The following PCDHGB5 variants were observed in gnomAD, a reference collection of about 807,000 sequenced individuals.
PCDHGB5 encodes the protein protocadherin gamma subfamily B, 5.
A neutral mutation model predicts 62.9 loss-of-function variants in PCDHGB5; 48 were observed. That is an observed-to-expected ratio of 0.76 (90% CI 0.61 to 0.97). The LOEUF (loss-of-function observed/expected upper bound fraction) is 0.97. Among genes scored for constraint, PCDHGB5 ranks in the 50% least tolerant of loss-of-function variants. The probability of loss-of-function intolerance (pLI) is 0.00; values close to 1 mark genes in which losing one functional copy is unlikely to be tolerated. For missense variants in PCDHGB5, 1,118 were observed against 1,198.6 expected, an observed-to-expected ratio of 0.93 and a Z score of 0.99; for synonymous variants, 474 against 511.2, an observed-to-expected ratio of 0.93 and a Z score of 0.98.
chr5:141,492,320 G>A (rs1001784912), intron 1 of PCDHGB5, among the ~76,000 whole-genome samples: 1 of 152,206 alleles, frequency 6.6e-6, no homozygotes. Flanking sequence ...CTCCTCGCAC[G>A]TGGGCTTACG....
chr5:141,491,616 C>T lies in PCDHGB5; in HGVS notation c.2398-3191C>T. 1 of 1,613,944 alleles carries T rather than the reference C, an allele frequency of 6.2e-7. No homozygotes were observed. Among genetic ancestry groups the T allele is most frequent in the South Asian group, 1.1e-5 (1 of 91,082 alleles). On this transcript the variant is annotated intron_variant, in intron 1 of 3. Coordinates refer to ENST00000617380, the MANE Select transcript of PCDHGB5 (RefSeq NM_018925.3). The surrounding 1 kb of genome is among the most constrained non-coding windows in gnomAD (Gnocchi z 6.9). ...GCAGTGACTTCACTTTTCTAAGACC[C>T]CTCAGCGTTCAGCAGCCCACAGCTC...
At chr5:141,500,012 A>G (rs2099795840) in intron 2 of PCDHGB5, among the ~76,000 whole-genome samples, 1 of 151,622 alleles carries the variant, frequency 6.6e-6, no homozygotes, top group Non-Finnish European at 1.5e-5. Flanking sequence ...TAAGGTCCAC[A>G]TTTTATATTT....
chr5:141,415,605 G>GGT, intron 1 of PCDHGB5: 1 of 1,613,122 alleles, frequency 6.2e-7, no homozygotes. Context: ...ATACCCCATT[G>GGT]GTTCCAGTGA....
At position 141,398,708 on chromosome 5, in the gene PCDHGB5, T is replaced by A; in HGVS notation, c.581T>A (p.Leu194Gln). The change falls in exon 1 of 4, where the codon CTG becomes CAG. Residue 194 changes from leucine to glutamine, a missense_variant. Around this residue, in one of 2 missense-constraint regions of PCDHGB5, gnomAD observed 1,034 missense variants for 1,029.1 expected, o/e 1.00. Transcript: ENST00000617380. ...CAGGATGGTAGTAAATACCCGGAAC[T>A]GGCACTGGAGAAAACCTTAGACCGG... ...EKQDGSKYPE[L>Q]ALEKTLDREQ... The A allele has an allele frequency of 1.2e-6, 2 of 1,613,886 alleles. No individual in the cohort carries two copies. The highest frequency in any genetic ancestry group is 1.7e-6 in the Non-Finnish European group (2 of 1,179,910).
chr5:141,398,937 C>G lies in PCDHGB5; in HGVS notation c.810C>G (p.Asp270Glu). The change falls in exon 1 of 4, where the codon GAC becomes GAG. Residue 270 changes from aspartate to glutamate, a missense_variant. Around this residue, in one of 2 missense-constraint regions of PCDHGB5, gnomAD observed 1,034 missense variants for 1,029.1 expected, o/e 1.00. Coordinates refer to ENST00000617380, the MANE Select transcript of PCDHGB5 (RefSeq NM_018925.3). The part of the protein sequence containing the change: ...TVLQVSATDQ[D>E]EGINSEITYS... The stretch of plus-strand genomic sequence containing the variant: ...TGCAAGTGTCAGCCACTGACCAAGA[C>G]GAGGGCATCAACTCAGAAATTACTT... 1 of 1,613,902 alleles carries G rather than the reference C, an allele frequency of 6.2e-7. No homozygotes were observed. The highest frequency in any genetic ancestry group is 8.5e-7 in the Non-Finnish European group (1 of 1,179,882).
chr5:141,438,627 T>TATAC (rs2098031123), intron 1 of PCDHGB5, among the ~76,000 whole-genome samples: 4 of 48,012 alleles, frequency 8.3e-5, no homozygotes, highest in Admixed American at 6.2e-4. Flanking sequence ...TATATATATA[T>TATAC]ATATATATAC....
At chr5:141,415,478 GA>G (rs1209443921) in intron 1 of PCDHGB5, 2 of 1,613,964 alleles carry the variant, frequency 1.2e-6, no homozygotes, top group Non-Finnish European at 1.7e-6. Context: ...GCGGACTCGC[GA>G]AAGAGTCACC....
chr5:141,420,382 C>A, intron 1 of PCDHGB5: 1 of 1,300,530 alleles, frequency 7.7e-7, no homozygotes. Flanking sequence ...ATAGAGTTCG[C>A]AAAATATAGG....
chr5:141,417,732 C>T (rs2096153715), intron 1 of PCDHGB5: 4 of 1,390,342 alleles, frequency 2.9e-6, no homozygotes, highest in Admixed American at 2.8e-5. Context: ...AGACCTTGCC[C>T]AGCACACCAG....
chr5:141,484,845 G>T (rs541372844), intron 1 of PCDHGB5, among the ~76,000 whole-genome samples: 10 of 152,076 alleles, frequency 6.6e-5, no homozygotes, highest in Admixed American at 2.6e-4. Flanking sequence ...GATAGGCTGG[G>T]TTTTTTGGGG....
Position 141,432,211 on chromosome 5 carries a change from C to T in PCDHGB5, c.2397+31687C>T. 6.2e-7 allele frequency: 1 copy of T among 1,614,232 alleles called. No homozygotes were observed. The highest frequency in any genetic ancestry group is 8.5e-7 in the Non-Finnish European group (1 of 1,180,044). On this transcript the variant is annotated intron_variant, in intron 1 of 3. Coordinates refer to ENST00000617380, the MANE Select transcript of PCDHGB5 (RefSeq NM_018925.3). The surrounding 1 kb of genome is among the most constrained non-coding windows in gnomAD (Gnocchi z 6.0). ...CCCACGACCCCGACTGTGAAGAGAA[C>T]GCCCAGATCACTTATTCCCTGGCTG... is the stretch of plus-strand genomic sequence containing the variant.
rs148641580 is a variant in PCDHGB5 at position 141,437,874 on chromosome 5, A to C, written c.2397+37350A>C. 3.9e-4 allele frequency among the ~76,000 whole-genome samples: 59 copies of C among 151,954 alleles called. 1 individual carries two copies. In the East Asian group the frequency reaches 5.8e-3, roughly 15 times the overall value. Reference sequence around the variant, plus strand: ...TGCCTTAGCCTCCCGAGTAGCTGGGACTACAGGCACACGCCACCACACCCA... The same window carrying C: ...TGCCTTAGCCTCCCGAGTAGCTGGGCCTACAGGCACACGCCACCACACCCA... On this transcript the variant is annotated intron_variant, in intron 1 of 3. Transcript: ENST00000617380.
At chr5:141,494,069 C>T (rs1249076667) in intron 1 of PCDHGB5, among the ~76,000 whole-genome samples, 1 of 152,146 alleles carries the variant, frequency 6.6e-6, no homozygotes, top group Non-Finnish European at 1.5e-5. Context: ...GAGCTGGATC[C>T]CTCCCCGCTG....
rs772444495 is a variant in PCDHGB5 at position 141,491,766 on chromosome 5, T to C, written c.2398-3041T>C. 14 of 1,567,738 alleles carry C rather than the reference T, an allele frequency of 8.9e-6. No homozygotes were observed. The African/African-American group carries it at 1.6e-4, about 18-fold the overall frequency. ...GCACTGGAGAAGCCGCCCGTCCTCA[T>C]AAGGGATTGAACTTGCATCCACTCC... On this transcript the variant is annotated intron_variant, in intron 1 of 3. Coordinates refer to ENST00000617380, the MANE Select transcript of PCDHGB5 (RefSeq NM_018925.3). The surrounding 1 kb of genome is among the most constrained non-coding windows in gnomAD (Gnocchi z 6.9).
At chr5:141,400,551 T>G in intron 1 of PCDHGB5, 27 bp downstream of exon 1, 1 of 1,613,726 alleles carries the variant, frequency 6.2e-7, no homozygotes, top group Non-Finnish European at 8.5e-7. Context: ...TCTATTCTTT[T>G]TCATTACCCA....
intron 1 of PCDHGB5, chr5:141,478,808 T>A: frequency 3.4e-6 from 5 of 1,459,124 alleles, no homozygotes; most frequent in Non-Finnish European, 4.5e-6. Context: ...TCTTTTGCTA[T>A]CACAACTAAC....
At chr5:141,455,690 C>T (rs1209152869) in intron 1 of PCDHGB5, among the ~76,000 whole-genome samples, 1 of 152,064 alleles carries the variant, frequency 6.6e-6, no homozygotes, top group Non-Finnish European at 1.5e-5. Context: ...CTGTGGGAAT[C>T]GCCAAGTTGA....
chr5:141,413,387 T>G (rs902208287), intron 1 of PCDHGB5: 1 of 1,613,908 alleles, frequency 6.2e-7, no homozygotes, highest in Non-Finnish European at 8.5e-7. Context: ...GTCCGCATAG[T>G]CTCCAGAGGT....
intron 1 of PCDHGB5, chr5:141,421,454 T>C: frequency 6.2e-7 from 1 of 1,614,132 alleles, no homozygotes; most frequent in Non-Finnish European, 8.5e-7. Flanking sequence ...ACACAGCTTT[T>C]CGCTGTGAAT....
Sources: allele counts gnomAD v4.1 joint callset (sites outside exome capture counted in the v4.1 genomes callset), GRCh38; gene constraint gnomAD v4.1.1; regional missense constraint gnomAD v4.1.1; non-coding constraint Gnocchi (gnomAD v3.1); transcripts MANE v1.5; gene names NCBI Gene and HGNC (gene_info 2026-07-23, HGNC 2026-07-21).